SCN7A: variants seen among roughly 807,000 people sequenced by gnomAD.
The protein encoded by SCN7A is sodium voltage-gated channel alpha subunit 7.
In SCN7A, 138 loss-of-function variants were observed where a neutral mutation model predicts 155.2. That is an observed-to-expected ratio of 0.89 (90% CI 0.77 to 1.02). The LOEUF (loss-of-function observed/expected upper bound fraction) is 1.02, where lower values mean the gene tolerates loss of function less well. Ranked by LOEUF, SCN7A falls within the 50% of genes least tolerant of loss-of-function variation. The probability of loss-of-function intolerance (pLI) is 0.00; values close to 1 mark genes in which losing one functional copy is unlikely to be tolerated. For missense variants in SCN7A, 2,058 were observed against 1,986.6 expected (o/e 1.04, Z -0.68); for synonymous variants, 693 against 649.0 (o/e 1.07, Z -1.03).
chr2:166,406,578 A>C lies in SCN7A; in HGVS notation c.4051T>G (p.Ser1351Ala), dbSNP rs768250126. 2 of 1,612,676 alleles carry C rather than the reference A, an allele frequency of 1.2e-6. No homozygotes were observed. Among genetic ancestry groups the C allele is most frequent in the Non-Finnish European group, 1.7e-6 (2 of 1,179,150 alleles). The change falls in exon 26 of 26, where the codon TCA becomes GCA. Residue 1351 changes from serine (S) to alanine (A), a missense_variant. By Grantham distance (99) the Ser-to-Ala change is moderately conservative (BLOSUM62 1). Coordinates refer to ENST00000643258, the MANE Select transcript of SCN7A (RefSeq NM_002976.4). ...AGACGCAGCATGTGAATGATCCGTG[A>C]GAGAAGTATCAGTTGCACAAGTGAA... is the stretch of plus-strand genomic sequence containing the variant. ...PPSLVQLILL[S>A]RIIHMLRLGK...
chr2:166,471,942 G>A (rs1702666658), intron 6 of SCN7A, among the ~76,000 whole-genome samples: 1 of 151,866 alleles, frequency 6.6e-6, no homozygotes, highest in Non-Finnish European at 1.5e-5. Context: ...ATAGAAAGCA[G>A]AAAATAACCC....
chr2:166,444,357 C>CTTTTT (rs1702018573), intron 13 of SCN7A, among the ~76,000 whole-genome samples: 2 of 152,122 alleles, frequency 1.3e-5, no homozygotes, highest in Non-Finnish European at 2.9e-5. Flanking sequence ...CAGACAGGGC[C>CTTTTT]AACTGCTGTT....
At chr2:166,432,293 C>A (rs759509802) in intron 16 of SCN7A, 25 bp downstream of exon 16, 3 of 1,547,940 alleles carry the variant, frequency 1.9e-6, no homozygotes, top group South Asian at 1.2e-5. Context: ...CACCACTAAG[C>A]AATCAGGATA....
At chr2:166,414,000 T>TATATATATATATATATATATATATAA (rs1292737289) in intron 21 of SCN7A, among the ~76,000 whole-genome samples, 1 of 100,184 alleles carries the variant, frequency 1.0e-5, no homozygotes, top group African/African-American at 4.0e-5. Flanking sequence ...TATATATATA[T>TATATATATATATATATATATATATAA]ATAAATATAC....
At chr2:166,433,760 A>G (rs1427856987) in intron 15 of SCN7A, among the ~76,000 whole-genome samples, 1 of 152,180 alleles carries the variant, frequency 6.6e-6, no homozygotes, top group African/African-American at 2.4e-5. Context: ...AGGGTCCTGC[A>G]TACCATATCT....
intron 25 of SCN7A, among the ~76,000 whole-genome samples, chr2:166,408,992 C>T (rs949879): frequency 0.028 from 4,313 of 152,004 alleles, 108 homozygotes; most frequent in African/African-American, 0.062. Context: ...CCTCCTTCTG[C>T]TGTGTTGCTG....
chr2:166,472,421 T>C lies in SCN7A; in HGVS notation c.468A>G (p.Thr156=), dbSNP rs1559123394. 3.7e-6 allele frequency: 6 copies of C among 1,604,846 alleles called. No individual in the cohort carries two copies. Among genetic ancestry groups the C allele is most frequent in the Non-Finnish European group, 5.1e-6 (6 of 1,174,154 alleles). ...CAAAGAGTTTTACAAGTATTTCAAA[T>C]GTGTAAATTCCAAGCAAAGTATTCC... ...VLENTLLGIY[T]FEILVKLFAR... is the part of the protein sequence containing the mutation. Residue 156 remains threonine, a synonymous_variant, in exon 6 of 26, where the codon ACA becomes ACG. Coordinates refer to ENST00000643258, the MANE Select transcript of SCN7A (RefSeq NM_002976.4).
At chr2:166,409,144 A>T (rs1373546014) in intron 25 of SCN7A, among the ~76,000 whole-genome samples, 1 of 152,058 alleles carries the variant, frequency 6.6e-6, no homozygotes, top group Non-Finnish European at 1.5e-5. Flanking sequence ...TTTTTTGCAT[A>T]TAACAGTCTT....
intron 7 of SCN7A, among the ~76,000 whole-genome samples, chr2:166,466,778 T>C (rs1702543361): frequency 6.6e-6 from 1 of 152,006 alleles, no homozygotes; most frequent in South Asian, 2.1e-4. Flanking sequence ...GAGAATATAC[T>C]AACTCTGTGA....
intron 18 of SCN7A, among the ~76,000 whole-genome samples, chr2:166,426,443 T>C (rs1163274721): frequency 2.0e-5 from 3 of 151,984 alleles, no homozygotes; most frequent in African/African-American, 7.2e-5. Context: ...TTAGGAGACA[T>C]AGTATGTCTC....
chr2:166,461,022 T>C (rs1056177865), intron 10 of SCN7A, among the ~76,000 whole-genome samples: 2 of 151,018 alleles, frequency 1.3e-5, no homozygotes, highest in East Asian at 1.9e-4. Context: ...ATATAGTTTG[T>C]GTAAAAATGT....
intron 2 of SCN7A, among the ~76,000 whole-genome samples, chr2:166,483,868 T>G (rs909253834): frequency 6.6e-6 from 1 of 151,942 alleles, no homozygotes; most frequent in African/African-American, 2.4e-5. Context: ...TACTCAAATC[T>G]GTTCACAGTA....
rs1339649713 is a variant in SCN7A, at chr2:166,457,031, C to A, written c.1129G>T (p.Val377Leu). ...GKVYMIFFVV[V>L]SFLFSFYMAS... ...ATATAAAAGGAAAACAAAAAACTTA[C>A]CACCACAAAAAATATCATGTAGACC... The change falls in exon 11 of 26, where the codon GTA becomes TTA. Residue 377 changes from valine (V) to leucine (L), a missense_variant. Coordinates refer to ENST00000643258, the MANE Select transcript of SCN7A (RefSeq NM_002976.4). The A allele has an allele frequency of 1.2e-6, 2 of 1,610,242 alleles. No individual in the cohort carries two copies. Among genetic ancestry groups the A allele is most frequent in the East Asian group, 2.2e-5 (1 of 44,670 alleles).
At chr2:166,473,690 T>C (rs914387770) in intron 5 of SCN7A, 109 bp downstream of exon 5, 1 of 262,838 alleles carries the variant, frequency 3.8e-6, no homozygotes, top group African/African-American at 2.3e-5. Flanking sequence ...AAATTTATTA[T>C]AATATAAAAT....
intron 7 of SCN7A, 74 bp downstream of exon 7, chr2:166,470,541 A>G (rs1702629747): frequency 1.6e-6 from 2 of 1,262,690 alleles, no homozygotes; most frequent in African/African-American, 1.5e-5. Flanking sequence ...CTGAACAACA[A>G]CAGGGAAGTT....
chr2:166,441,640 A>T lies in SCN7A; in HGVS notation c.1913T>A (p.Ile638Asn). The T allele has an allele frequency of 1.2e-6, 2 of 1,613,940 alleles. No homozygotes were observed. Among genetic ancestry groups the T allele is most frequent in the Non-Finnish European group, 1.7e-6 (2 of 1,179,818 alleles). Reference sequence around the variant, plus strand: ...CATGCCGAATGCAGCAGAAAAGAAGATGAATGTGAACAACAACAGGACCAA... The same window carrying T: ...CATGCCGAATGCAGCAGAAAAGAAGTTGAATGTGAACAACAACAGGACCAA... ...KDLVLLLFTF[I>N]FFSAAFGMKL... The change falls in exon 15 of 26, where the codon ATC becomes AAC. Residue 638 changes from isoleucine to asparagine, a missense_variant. Transcript: ENST00000643258.
Position 166,456,903 on chromosome 2 carries a change from T to G in SCN7A, c.1257A>C (p.Gly419=). ...KKIEPKFQQT[G]KELQEGNETD... is the part of the protein sequence containing the mutation. ...TTTCATTTCCTTCTTGAAGTTCTTT[T>G]CCAGTCTGTTGAAATTTTGGTTCAA... The change falls in exon 11 of 26, where the codon GGA becomes GGC. Residue 419 remains glycine (G), a synonymous_variant. Transcript: ENST00000643258. 6.4e-7 allele frequency: 1 copy of G among 1,552,140 alleles called. No homozygotes were observed. The highest frequency in any genetic ancestry group is 8.7e-7 in the Non-Finnish European group (1 of 1,146,992).
Position 166,421,177 on chromosome 2 carries a change from A to T in SCN7A, c.3135+13T>A. ...TAAAAATTTGTAGATTAGCTTAGAA[A>T]CTTATCTCTTACCTTCATTCTTTCA... On this transcript the variant is annotated intron_variant, in intron 20 of 25. Coordinates refer to ENST00000643258, the MANE Select transcript of SCN7A (RefSeq NM_002976.4). The T allele has an allele frequency of 6.8e-7, 1 of 1,465,004 alleles. No individual in the cohort carries two copies. The highest frequency in any genetic ancestry group is 2.5e-5 in the East Asian group (1 of 39,600). The allele number at this position is 1,465,004 out of a possible 1,614,324, so 90.8% of individuals were successfully genotyped here. A position where few individuals can be genotyped will look rare whatever the true frequency, so the allele number is the denominator to read the frequency against.
rs1701017538 is a variant in SCN7A at position 166,404,231 on chromosome 2, A to C, written c.*1349T>G. On this transcript the variant is annotated 3_prime_UTR_variant, in exon 26 of 26. Transcript: ENST00000643258. ...TTCATAAAGTTGGAATAACTCTCAG[A>C]ATCTCAAACTACATAGAAGTAAATG... The C allele has an allele frequency of 6.6e-6, 1 of 151,996 alleles. No individual in the cohort carries two copies. Among genetic ancestry groups the C allele is most frequent in the African/African-American group, 2.4e-5 (1 of 41,440 alleles). 9.4% of individuals were successfully genotyped at this position (151,996 alleles called of 1,614,324 possible).
Sources: gnomAD v4.1 joint callset for allele counts (sites outside exome capture counted in the v4.1 genomes callset) on GRCh38, gnomAD v4.1.1 for gene constraint, MANE v1.5 for transcripts, NCBI Gene and HGNC (gene_info 2026-07-23, HGNC 2026-07-21) for gene names.